Variants in ZNF738 observed in about 807,000 individuals in gnomAD.
ZNF738 encodes the protein zinc finger protein 738, also known as protein ZNF738.
A neutral mutation model predicts 9.2 loss-of-function variants in ZNF738; 10 were observed. That is an observed-to-expected ratio of 1.09 (90% CI 0.67 to 1.85). The LOEUF (loss-of-function observed/expected upper bound fraction) is 1.85. Ranked by LOEUF, ZNF738 falls within the 40% of genes most tolerant of loss-of-function variation. The probability of loss-of-function intolerance (pLI) is 0.00; values close to 1 mark genes in which losing one functional copy is unlikely to be tolerated. For synonymous variants in ZNF738, 113 were observed against 94.5 expected (o/e 1.20, Z -1.14); for missense variants, 346 against 283.6 (o/e 1.22, Z -1.58).
Position 21,361,783 on chromosome 19 carries a change from A to T in ZNF738, c.21A>T (p.Gly7=). Residue 7 remains glycine (G), a synonymous_variant, in exon 2 of 5, where the codon GGA becomes GGT. Coordinates refer to ENST00000683779, the MANE Select transcript of ZNF738 (RefSeq NM_001355237.2). Reference sequence around the variant, plus strand: ...TCCCATAGGACGACCTGAGGTATGGAGTGTATCCTGTCAAGGGGGCAAGTG... The same window carrying T: ...TCCCATAGGACGACCTGAGGTATGGTGTGTATCCTGTCAAGGGGGCAAGTG... The part of the protein sequence containing the change: MDDLRY[G]VYPVKGASGY... The T allele has an allele frequency of 1.3e-6, 1 of 780,736 alleles. No homozygotes were observed. Among genetic ancestry groups the T allele is most frequent in the Non-Finnish European group, 2.4e-6 (1 of 418,004 alleles). 48.4% of individuals were successfully genotyped at this position (780,736 alleles called of 1,614,324 possible).
At position 21,383,703 on chromosome 19, in the gene ZNF738, C is replaced by T; in HGVS notation, c.*29C>T. On this transcript the variant is annotated 3_prime_UTR_variant, in exon 5 of 5. Coordinates refer to ENST00000683779, the MANE Select transcript of ZNF738 (RefSeq NM_001355237.2). Reference sequence around the variant, plus strand: ...GGCAAAGCCTTTAATGTATTCGCAACCCTTACTAGACATAAGATAATTCAT... The same window carrying T: ...GGCAAAGCCTTTAATGTATTCGCAATCCTTACTAGACATAAGATAATTCAT... 1.0e-6 allele frequency: 1 copy of T among 957,696 alleles called. No individual in the cohort carries two copies. Among genetic ancestry groups the T allele is most frequent in the Admixed American group, 1.8e-5 (1 of 55,204 alleles). The allele number at this position is 957,696 out of a possible 1,614,324, so 59.3% of individuals were successfully genotyped here.
At position 21,381,375 on chromosome 19, in the gene ZNF738, G is replaced by A; in HGVS notation, c.320-1491G>A. 3.3e-6 allele frequency: 5 copies of A among 1,511,734 alleles called. No homozygotes were observed. In the South Asian group the frequency reaches 4.5e-5, roughly 14 times the overall value. 93.6% of individuals were successfully genotyped at this position (1,511,734 alleles called of 1,614,324 possible). A position where few individuals can be genotyped will look rare whatever the true frequency, so the allele number is the denominator to read the frequency against. Reference sequence around the variant, plus strand: ...TTGATGAATACTCTGACTCCATCTTGAATAACTTCTTCATCAGAATCTCCT... The same window carrying A: ...TTGATGAATACTCTGACTCCATCTTAAATAACTTCTTCATCAGAATCTCCT... On this transcript the variant is annotated intron_variant, in intron 4 of 4. Transcript: ENST00000683779.
rs1388238191 is a variant in ZNF738 at position 21,388,476 on chromosome 19, G to C, written c.*4802G>C. The stretch of plus-strand genomic sequence containing the variant: ...GAGTGATATATGAGGTAGGTGTTAA[G>C]AGTATTGTTCTTTTGCATTATGAGA... On this transcript the variant is annotated 3_prime_UTR_variant, in exon 5 of 5. Transcript: ENST00000683779. 2.0e-5 allele frequency among the ~76,000 whole-genome samples: 3 copies of C among 152,120 alleles called. No individual in the cohort carries two copies. The highest frequency in any genetic ancestry group is 1.3e-4 in the Admixed American group (2 of 15,258).
intron 4 of ZNF738, chr19:21,378,772 T>C: frequency 3.8e-6 from 1 of 264,960 alleles, no homozygotes. Context: ...GCTAAGTTTG[T>C]ATTTTTAGTA....
chr19:21,366,224 A>T (rs555967286), intron 2 of ZNF738, among the ~76,000 whole-genome samples: 15 of 152,196 alleles, frequency 9.9e-5, no homozygotes, highest in South Asian at 4.1e-4. Flanking sequence ...GTGTGAAACC[A>T]GTTCTTAGTT....
At chr19:21,377,043 C>T (rs1444056593) in intron 4 of ZNF738, among the ~76,000 whole-genome samples, 2 of 151,934 alleles carry the variant, frequency 1.3e-5, no homozygotes, top group African/African-American at 2.4e-5. Flanking sequence ...CGCAGTGGCT[C>T]ATGCCTGTAA....
At chr19:21,381,840 T>A in intron 4 of ZNF738, 1 of 289,846 alleles carries the variant, frequency 3.5e-6, no homozygotes, top group South Asian at 5.5e-5. Flanking sequence ...GCTGAAGGTG[T>A]CAGGGTGAGG....
intron 2 of ZNF738, among the ~76,000 whole-genome samples, chr19:21,365,899 G>A (rs1363727960): frequency 2.0e-5 from 3 of 151,762 alleles, no homozygotes; most frequent in Non-Finnish European, 1.5e-5. Context: ...AGAAGTTGCA[G>A]TGAGCCAAGA....
At chr19:21,365,774 G>A (rs1253715532) in intron 2 of ZNF738, among the ~76,000 whole-genome samples, 1 of 152,044 alleles carries the variant, frequency 6.6e-6, no homozygotes, top group African/African-American at 2.4e-5. Flanking sequence ...CTGACCAAAT[G>A]ACGAAACCCT....
At chr19:21,365,370 T>G (rs1230164157) in intron 2 of ZNF738, among the ~76,000 whole-genome samples, 1 of 152,080 alleles carries the variant, frequency 6.6e-6, no homozygotes, top group African/African-American at 2.4e-5. Context: ...TCAGCCCTAT[T>G]TTACCCACCC....
chr19:21,377,118 AC>A (rs1437752436), intron 4 of ZNF738, among the ~76,000 whole-genome samples: 1 of 151,790 alleles, frequency 6.6e-6, no homozygotes, highest in Non-Finnish European at 1.5e-5. Context: ...GACCAGCCTG[AC>A]CAACATGGAG....
At chr19:21,374,090 A>G (rs979189687) in intron 2 of ZNF738, among the ~76,000 whole-genome samples, 1 of 151,574 alleles carries the variant, frequency 6.6e-6, no homozygotes, top group African/African-American at 2.4e-5. Flanking sequence ...ACGTGGAAAG[A>G]TGTGGATACT....
chr19:21,373,486 G>A (rs965820980), intron 2 of ZNF738, among the ~76,000 whole-genome samples: 4 of 152,190 alleles, frequency 2.6e-5, no homozygotes, highest in Admixed American at 2.6e-4. Context: ...CATTACTGTA[G>A]CAGAAATTGC....
At chr19:21,373,490 A>C (rs1599715937) in intron 2 of ZNF738, among the ~76,000 whole-genome samples, 1 of 152,332 alleles carries the variant, frequency 6.6e-6, no homozygotes, top group Middle Eastern at 3.4e-3. Flanking sequence ...ACTGTAGCAG[A>C]AATTGCTGGT....
chr19:21,378,100 C>T, intron 4 of ZNF738: 1 of 396,978 alleles, frequency 2.5e-6, no homozygotes, highest in Non-Finnish European at 4.4e-6. Context: ...ACTTTTGTTG[C>T]ATGCAAAAAT....
intron 2 of ZNF738, chr19:21,372,944 G>A (rs540676656): frequency 2.8e-4 from 43 of 152,218 alleles, no homozygotes; most frequent in African/African-American, 9.9e-4. Flanking sequence ...TACATTTTTT[G>A]TCTTTATTTG....
Position 21,367,663 on chromosome 19 carries a change from T to C in ZNF738, c.96+5805T>C, listed in dbSNP as rs554845966. On this transcript the variant is annotated intron_variant, in intron 2 of 4. Coordinates refer to ENST00000683779, the MANE Select transcript of ZNF738 (RefSeq NM_001355237.2). The stretch of plus-strand genomic sequence containing the variant: ...GACTGTCATACTGCCCATTGTCCTG[T>C]GATTCCAGGTCTCCTCTTAGGGTGA... 3.9e-5 allele frequency among the ~76,000 whole-genome samples: 6 copies of C among 152,292 alleles called. No individual in the cohort carries two copies. The East Asian group carries it at 1.2e-3, about 29-fold the overall frequency.
intron 4 of ZNF738, among the ~76,000 whole-genome samples, chr19:21,380,306 C>T (rs966589275): frequency 6.6e-6 from 1 of 152,196 alleles, no homozygotes; most frequent in African/African-American, 2.4e-5. Context: ...TAAAGAAATT[C>T]TATCAAAATG....
chr19:21,363,358 T>G (rs1377046115), intron 2 of ZNF738, among the ~76,000 whole-genome samples: 8 of 151,986 alleles, frequency 5.3e-5, no homozygotes. Context: ...TAAAAGTAGG[T>G]TATTAAAGGT....
Sources: gnomAD v4.1 joint callset for allele counts (sites outside exome capture counted in the v4.1 genomes callset) on GRCh38, gnomAD v4.1.1 for gene constraint, MANE v1.5 for transcripts, NCBI Gene and HGNC (gene_info 2026-07-23, HGNC 2026-07-21) for gene names.